Variants in YY1AP1 observed in about 807,000 individuals in gnomAD.
The protein encoded by YY1AP1 is YY1-associated protein 1.
YY1AP1 carries 43 observed loss-of-function variants against 39.9 expected under a neutral mutation model. The ratio of observed to expected loss-of-function variants is 1.08; its 90% CI spans 0.84 to 1.39. The LOEUF is 1.39. Among genes scored for constraint, YY1AP1 ranks in the 40% most tolerant of loss-of-function variants. The pLI is 0.00. For missense variants in YY1AP1, 813 were observed against 900.7 expected, an observed-to-expected ratio of 0.90 and a Z score of 1.25; for synonymous variants, 292 against 331.3, an observed-to-expected ratio of 0.88 and a Z score of 1.29.
At chr1:155,676,807 C>A (rs925636864) in intron 4 of YY1AP1, 61 bp from the exon 5 acceptor site, 9 of 1,532,740 alleles carry the variant, frequency 5.9e-6, no homozygotes, top group East Asian at 4.5e-5. Context: ...ACATCCAATT[C>A]TTTGCAATGA....
At chr1:155,687,294 C>T (rs1447679945) in intron 2 of YY1AP1, among the ~76,000 whole-genome samples, 1 of 149,082 alleles carries the variant, frequency 6.7e-6, no homozygotes, top group Non-Finnish European at 1.5e-5. Context: ...TGCCAAGTTT[C>T]TCCCCTCCCT....
intron 6 of YY1AP1, 37 bp downstream of exon 6, chr1:155,674,973 T>C: frequency 6.4e-7 from 1 of 1,552,264 alleles, no homozygotes; most frequent in East Asian, 2.2e-5. Flanking sequence ...TAATTTTATA[T>C]TCTAGTCTAT....
At chr1:155,666,198 T>C (rs1016057414) in intron 9 of YY1AP1, among the ~76,000 whole-genome samples, 22 of 151,954 alleles carry the variant, frequency 1.4e-4, no homozygotes, top group African/African-American at 4.8e-4. Flanking sequence ...CTCGGCTCAC[T>C]GCAAGCTCCA....
chr1:155,659,970 T>A lies in YY1AP1; in HGVS notation c.1940A>T (p.Asp647Val). 3.1e-6 allele frequency: 5 copies of A among 1,614,200 alleles called. No individual in the cohort carries two copies. The highest frequency in any genetic ancestry group is 1.1e-5 in the South Asian group (1 of 91,084). ...TAGGCCCTGAAAGGCATTTTCCCCA[T>A]CAGCCACAGCACAAGCAATGTCCAC... is the stretch of plus-strand genomic sequence containing the variant. ...MNVDIACAVA[D>V]GENAFQGLEP... Residue 647 changes from aspartate (D) to valine (V), a missense_variant, in exon 11 of 11, where the codon GAT becomes GTT. By Grantham distance (152) the Asp-to-Val change is radical (BLOSUM62 -3). Coordinates refer to ENST00000355499, the MANE Select transcript of YY1AP1 (RefSeq NM_139119.3).
At chr1:155,670,252 C>G in intron 8 of YY1AP1, 68 bp downstream of exon 8, 1 of 1,600,426 alleles carries the variant, frequency 6.2e-7, no homozygotes, top group Non-Finnish European at 8.5e-7. Flanking sequence ...AGTCTTACTT[C>G]CCCTAAACTC....
chr1:155,679,123 C>G, intron 4 of YY1AP1: 6 of 1,336,878 alleles, frequency 4.5e-6, no homozygotes, highest in Non-Finnish European at 5.8e-6. Flanking sequence ...TGGCTGGCCA[C>G]ATTGAGTCCT....
At chr1:155,679,159 C>G in intron 4 of YY1AP1, 3 of 1,437,656 alleles carry the variant, frequency 2.1e-6, no homozygotes, top group Non-Finnish European at 2.8e-6. Flanking sequence ...ACCACTCACC[C>G]GGAGAAGTGG....
chr1:155,678,650 G>T (rs1008353307), intron 4 of YY1AP1, among the ~76,000 whole-genome samples: 13 of 152,106 alleles, frequency 8.5e-5, no homozygotes, highest in Non-Finnish European at 1.8e-4. Flanking sequence ...ACATTGGTTG[G>T]CCTATCTTAT....
At chr1:155,673,041 C>T (rs1316219822) in intron 6 of YY1AP1, among the ~76,000 whole-genome samples, 2 of 152,090 alleles carry the variant, frequency 1.3e-5, no homozygotes, top group Admixed American at 1.3e-4. Flanking sequence ...TATTTTGAGA[C>T]ATGGTCTCAC....
chr1:155,676,397 G>T, intron 5 of YY1AP1, 151 bp downstream of exon 5: 2 of 881,280 alleles, frequency 2.3e-6, no homozygotes, highest in Non-Finnish European at 3.5e-6. Flanking sequence ...GACTTCTCAA[G>T]CTCCTAACTG....
chr1:155,681,863 T>A (rs200683814), intron 2 of YY1AP1, among the ~76,000 whole-genome samples: 11 of 130,006 alleles, frequency 8.5e-5, no homozygotes, highest in East Asian at 5.3e-4. Flanking sequence ...TTTTTTTTTT[T>A]AAATAGAGCC....
Position 155,660,565 on chromosome 1 carries a change from G to A in YY1AP1, c.1345C>T (p.Arg449Trp), listed in dbSNP as rs1199109556. ...SEAPPSKMVL[R>W]IPHPIQPATV... ...GCTGGCTGTATTGGGTGAGGAATCC[G>A]GAGCACCATTTTGCTCGGAGGGGCT... The change falls in exon 11 of 11, where the codon CGG becomes TGG. Residue 449 changes from arginine to tryptophan, a missense_variant. Physicochemically the swap from Arg to Trp is moderately radical, Grantham distance 101. Around this residue, in one of 3 missense-constraint regions of YY1AP1, gnomAD observed 586 missense variants for 647.4 expected, o/e 0.91. Coordinates refer to ENST00000355499, the MANE Select transcript of YY1AP1 (RefSeq NM_139119.3). 1.9e-6 allele frequency: 3 copies of A among 1,614,022 alleles called. No homozygotes were observed. The highest frequency in any genetic ancestry group is 1.7e-5 in the Admixed American group (1 of 59,992).
At chr1:155,661,791 G>A (rs1231198279) in intron 9 of YY1AP1, among the ~76,000 whole-genome samples, 1 of 152,150 alleles carries the variant, frequency 6.6e-6, no homozygotes, top group Non-Finnish European at 1.5e-5. Context: ...GAGTAGCTGG[G>A]ACTACAGGTG....
chr1:155,683,352 G>T (rs140424268), intron 2 of YY1AP1, among the ~76,000 whole-genome samples: 1 of 151,372 alleles, frequency 6.6e-6, no homozygotes, highest in African/African-American at 2.4e-5. Flanking sequence ...GTGGTTTAAT[G>T]AAAGAGATGG....
chr1:155,688,247 G>A (rs1448721620), intron 1 of YY1AP1, 46 bp from the exon 2 acceptor site: 1 of 1,609,218 alleles, frequency 6.2e-7, no homozygotes. Context: ...GAGGGCTAAA[G>A]GGGCAAACTG....
Position 155,660,898 on chromosome 1 carries a change from T to C in YY1AP1, c.1012A>G (p.Ile338Val), listed in dbSNP as rs1319283723. The C allele has an allele frequency of 6.2e-7, 1 of 1,614,192 alleles. No homozygotes were observed. Among genetic ancestry groups the C allele is most frequent in the East Asian group, 2.2e-5 (1 of 44,884 alleles). Reference protein sequence around the residue: ...PFWLKASLPSIQEELRHMADG... With the variant: ...PFWLKASLPSVQEELRHMADG... ...GCCATGTGCCGCAGTTCTTCCTGGA[T>C]GGATGGCAGACTGGCCTATTGGAAA... is the stretch of plus-strand genomic sequence containing the variant. Residue 338 changes from isoleucine to valine, a missense_variant, in exon 11 of 11, where the codon ATC (isoleucine) becomes GTC (valine). Coordinates refer to ENST00000355499, the MANE Select transcript of YY1AP1 (RefSeq NM_139119.3).
At position 155,682,116 on chromosome 1, in the gene YY1AP1, GA is replaced by G. The variant is rs1250992067; in HGVS notation, c.-20-1661del. 3.9e-5 allele frequency among the ~76,000 whole-genome samples: 6 copies of G among 152,242 alleles called. No individual in the cohort carries two copies. In the East Asian group the frequency reaches 1.2e-3, roughly 29 times the overall value. On this transcript the variant is annotated intron_variant, in intron 2 of 10. Coordinates refer to ENST00000355499, the MANE Select transcript of YY1AP1 (RefSeq NM_139119.3). ...TAAATGAGAAATTAGGAGGCAGCTT[GA>G]TTTTTTTTTATTTCCTCAGAGATCT...
rs776484101 is a variant in YY1AP1, at chr1:155,679,444, C to A, written c.90G>T (p.Glu30Asp). 4 of 1,614,106 alleles carry A rather than the reference C, an allele frequency of 2.5e-6. No individual in the cohort carries two copies. Among genetic ancestry groups the A allele is most frequent in the African/African-American group, 1.3e-5 (1 of 74,932 alleles). Reference sequence around the variant, plus strand: ...GAGGGGTGTTAAAGTTAGCTTGAGGCTCAGCCACACGCTCCTCCTCTTCTG... The same window carrying A: ...GAGGGGTGTTAAAGTTAGCTTGAGGATCAGCCACACGCTCCTCCTCTTCTG... ...DGPEEEERVA[E>D]PQANFNTPQA... Residue 30 changes from glutamate to aspartate, a missense_variant, in exon 4 of 11, where the codon GAG becomes GAT. By Grantham distance (45) the Glu-to-Asp change is conservative. This residue lies in a region of YY1AP1 where 196 missense variants were observed against 189.7 expected (regional missense o/e 1.03). Coordinates refer to ENST00000355499, the MANE Select transcript of YY1AP1 (RefSeq NM_139119.3).
At chr1:155,667,779 A>G (rs889079727) in intron 9 of YY1AP1, among the ~76,000 whole-genome samples, 11 of 151,600 alleles carry the variant, frequency 7.3e-5, no homozygotes, top group African/African-American at 2.7e-4. Flanking sequence ...CCAAGATCGC[A>G]CCATTGCACT....
Sources: gnomAD v4.1 joint callset for allele counts (sites outside exome capture counted in the v4.1 genomes callset) on GRCh38, gnomAD v4.1.1 for gene constraint, gnomAD v4.1.1 regional missense constraint, MANE v1.5 for transcripts, NCBI Gene and HGNC (gene_info 2026-07-23, HGNC 2026-07-21) for gene names.